The following CAPNS1 variants were observed in gnomAD, a reference collection of about 807,000 sequenced individuals.
The protein encoded by CAPNS1 is CANP small subunit.
Under a neutral mutation model 39.2 loss-of-function variants are expected in CAPNS1, and 32 were observed. The ratio of observed to expected loss-of-function variants is 0.82; its 90% CI spans 0.62 to 1.10. The LOEUF is 1.10. Among genes scored for constraint, CAPNS1 ranks in the 50% least tolerant of loss-of-function variants. The pLI, the probability that CAPNS1 is intolerant of heterozygous loss-of-function variation, is 0.00. For missense variants in CAPNS1, 353 were observed against 373.1 expected (o/e 0.95, Z 0.44); for synonymous variants, 153 against 136.2 (o/e 1.12, Z -0.86).
At chr19:36,147,504 C>T (rs1464955276) in intron 9 of CAPNS1, among the ~76,000 whole-genome samples, 4 of 152,086 alleles carry the variant, frequency 2.6e-5, no homozygotes, top group Admixed American at 6.5e-5. Context: ...CGGTGGCTCA[C>T]GCCTGTAATC....
Position 36,145,998 on chromosome 19 carries a change from C to A in CAPNS1, c.548C>A (p.Thr183Asn). The A allele has an allele frequency of 6.2e-7, 1 of 1,614,232 alleles. No individual in the cohort carries two copies. The highest frequency in any genetic ancestry group is 1.1e-5 in the South Asian group (1 of 91,076). Residue 183 changes from threonine to asparagine, a missense_variant, in exon 8 of 11, where the codon ACT becomes AAT. Transcript: ENST00000246533. ...RWQAIYKQFD[T>N]DRSGTICSSE... ...CAGGCCATATACAAACAGTTCGACA[C>A]TGACCGATCAGGGACCATTTGCAGT...
chr19:36,144,660 A>C (rs1974500981), intron 6 of CAPNS1, among the ~76,000 whole-genome samples: 6 of 152,170 alleles, frequency 3.9e-5, no homozygotes, highest in Admixed American at 3.9e-4. Context: ...TTGGGATTAC[A>C]AGCTTGAGAC....
intron 9 of CAPNS1, among the ~76,000 whole-genome samples, 187 bp from the exon 10 acceptor site, chr19:36,149,391 A>G (rs770951090): frequency 7.9e-5 from 12 of 152,188 alleles, no homozygotes; most frequent in Non-Finnish European, 1.8e-4. Flanking sequence ...AATGACACTT[A>G]TCTCACAGAG....
chr19:36,146,397 T>C, intron 9 of CAPNS1, 85 bp downstream of exon 9: 1 of 854,462 alleles, frequency 1.2e-6, no homozygotes, highest in East Asian at 2.4e-5. Context: ...GACTTTGAGG[T>C]GGGCGATGCT....
chr19:36,140,916 C>T, intron 1 of CAPNS1, 81 bp from the exon 2 acceptor site: 1 of 1,568,828 alleles, frequency 6.4e-7, no homozygotes, highest in Non-Finnish European at 8.6e-7. Context: ...CCTCCCAGGT[C>T]CAGCTGCCGG....
In CAPNS1 at chr19:36,141,400, T is replaced by A. The variant is rs1974368820; in HGVS notation, c.209+180T>A. The A allele has an allele frequency of 3.8e-6, 5 of 1,332,910 alleles. No homozygotes were observed. The Admixed American group carries it at 1.6e-4, about 44-fold the overall frequency. The allele number at this position is 1,332,910 out of a possible 1,614,324, so 82.6% of individuals were successfully genotyped here. The stretch of plus-strand genomic sequence containing the variant: ...TCTGCTGTAAGGGGGTGGACCCCAG[T>A]GAGGCGGATATCAGTCATTGGGGGC... On this transcript the variant is annotated intron_variant, in intron 2 of 10. Coordinates refer to ENST00000246533, the MANE Select transcript of CAPNS1 (RefSeq NM_001749.4).
In CAPNS1 at chr19:36,150,260, G is replaced by A. The variant is rs192957753; in HGVS notation, c.*421G>A. 9.2e-5 allele frequency: 16 copies of A among 174,230 alleles called. No individual in the cohort carries two copies. In the East Asian group the frequency reaches 2.4e-3, roughly 27 times the overall value. 10.8% of individuals were successfully genotyped at this position (174,230 alleles called of 1,614,324 possible). ...CCCAGGCGGCCAAGCTCCAGACCGT[G>A]CCAGACCCAGGTGCCCCAGTGCCTT... On this transcript the variant is annotated 3_prime_UTR_variant, in exon 11 of 11. Transcript: ENST00000246533.
chr19:36,142,330 C>T lies in CAPNS1; in HGVS notation c.240C>T (p.Pro80=). 2 of 1,537,194 alleles carry T rather than the reference C, an allele frequency of 1.3e-6. No individual in the cohort carries two copies. The highest frequency in any genetic ancestry group is 2.3e-5 in the East Asian group (1 of 43,816). ...SEAAAQYNPE[P]PPPRTHYSNI... ...CGGCTGCGCAGTACAACCCGGAGCCCCCGGTAAGCCCCCTCTGCAACCAGA... is the reference window on the plus strand; with the variant it reads ...CGGCTGCGCAGTACAACCCGGAGCCTCCGGTAAGCCCCCTCTGCAACCAGA... The change falls in exon 3 of 11, where the codon CCC becomes CCT. Residue 80 remains proline (P), a synonymous_variant. Coordinates refer to ENST00000246533, the MANE Select transcript of CAPNS1 (RefSeq NM_001749.4).
intron 9 of CAPNS1, chr19:36,148,211 A>G (rs1312062077): frequency 6.6e-6 from 1 of 152,136 alleles, no homozygotes; most frequent in East Asian, 1.9e-4. Flanking sequence ...GGTTGATGCC[A>G]CAAGTCACAT....
At chr19:36,148,537 A>G (rs1974658865) in intron 9 of CAPNS1, among the ~76,000 whole-genome samples, 1 of 145,538 alleles carries the variant, frequency 6.9e-6, no homozygotes, top group Non-Finnish European at 1.5e-5. Context: ...AGGGCTGGGC[A>G]TGGTGGCTCA....
intron 2 of CAPNS1, 42 bp downstream of exon 2, chr19:36,141,262 A>C: frequency 2.7e-6 from 4 of 1,491,020 alleles, no homozygotes; most frequent in Non-Finnish European, 3.6e-6. Context: ...TGGGAATGGG[A>C]GGAGCCTCAG....
At chr19:36,148,506 C>G (rs1169035502) in intron 9 of CAPNS1, among the ~76,000 whole-genome samples, 2 of 111,458 alleles carry the variant, frequency 1.8e-5, no homozygotes, top group Non-Finnish European at 3.6e-5. Context: ...CACAGAGACA[C>G]CGTCTAAAAA....
At chr19:36,144,860 G>A (rs989519856) in intron 6 of CAPNS1, among the ~76,000 whole-genome samples, 10 of 152,312 alleles carry the variant, frequency 6.6e-5, no homozygotes, top group Admixed American at 3.3e-4. Context: ...TGGTGATACC[G>A]AATCGGAACT....
chr19:36,146,354 T>G, intron 9 of CAPNS1, 42 bp downstream of exon 9: 1 of 1,304,264 alleles, frequency 7.7e-7, no homozygotes, highest in Non-Finnish European at 1.1e-6. Flanking sequence ...GGGATTCCTA[T>G]GACCTCTATG....
intron 6 of CAPNS1, among the ~76,000 whole-genome samples, chr19:36,145,203 C>CTTTTTTTTT (rs5827950): frequency 1.7e-5 from 2 of 118,296 alleles, no homozygotes; most frequent in East Asian, 2.6e-4. Context: ...TTTTCTTTCT[C>CTTTTTTTTT]TTTTTTTTTT....
At position 36,141,122 on chromosome 19, in the gene CAPNS1, G is replaced by GGGCGGCGGCGGCGGCGGAGGC; in HGVS notation, c.128_129insAGGCGGCGGCGGCGGCGGCGG (p.Gly50_Gly56dup). On this transcript the variant is annotated inframe_insertion, in exon 2 of 11. Transcript: ENST00000246533. ...TTGGAGGCCTGATCAGCGGGGCCGG[G>GGGCGGCGGCGGCGGCGGAGGC]GGCGGCGGCGGCGGCGGCGGCGGCG... 1 of 1,262,010 alleles carries GGGCGGCGGCGGCGGCGGAGGC rather than the reference G, an allele frequency of 7.9e-7. No homozygotes were observed. The highest frequency in any genetic ancestry group is 1.6e-5 in the African/African-American group (1 of 62,652). The allele number at this position is 1,262,010 out of a possible 1,614,324, so 78.2% of individuals were successfully genotyped here. A position where few individuals can be genotyped will look rare whatever the true frequency, so the allele number is the denominator to read the frequency against.
At chr19:36,143,804 A>C (rs1214741591) in intron 6 of CAPNS1, among the ~76,000 whole-genome samples, 1 of 147,468 alleles carries the variant, frequency 6.8e-6, no homozygotes, top group East Asian at 2.0e-4. Context: ...AGGAGCTTGC[A>C]GTGAGCCGAG....
chr19:36,143,081 G>A lies in CAPNS1; in HGVS notation c.409G>A (p.Asp137Asn). Reference protein sequence around the residue: ...VVTRHPDLKTDGFGIDTCRSM... With the variant: ...VVTRHPDLKTNGFGIDTCRSM... ...ACCCACAGACCCTGATCTGAAGACT[G>A]ATGGTTTTGGCATTGACACATGTCG... The change falls in exon 6 of 11, where the codon GAT becomes AAT. Residue 137 changes from aspartate to asparagine, a missense_variant. By Grantham distance (23) the Asp-to-Asn change is conservative. Transcript: ENST00000246533. 6.2e-7 allele frequency: 1 copy of A among 1,614,206 alleles called. No homozygotes were observed. Among genetic ancestry groups the A allele is most frequent in the Non-Finnish European group, 8.5e-7 (1 of 1,180,032 alleles).
At chr19:36,142,164 G>C (rs1162690341) in intron 2 of CAPNS1, 136 bp from the exon 3 acceptor site, 1 of 758,712 alleles carries the variant, frequency 1.3e-6, no homozygotes, top group Non-Finnish European at 2.4e-6. Context: ...ATGAGGACAA[G>C]AACAAATGAA....
Sources: gnomAD v4.1 joint callset for allele counts (sites outside exome capture counted in the v4.1 genomes callset) on GRCh38, gnomAD v4.1.1 for gene constraint, MANE v1.5 for transcripts, NCBI Gene and HGNC (gene_info 2026-07-23, HGNC 2026-07-21) for gene names.